Variants in ASB3 observed in about 807,000 individuals in gnomAD.
The protein encoded by ASB3 is ankyrin repeat and SOCS box containing 3.
In ASB3, 41 loss-of-function variants were observed where a neutral mutation model predicts 54.5. The observed-to-expected ratio is 0.75, with a 90% confidence interval of 0.59 to 0.98. The LOEUF is 0.98. Ranked by LOEUF, ASB3 falls within the 50% of genes least tolerant of loss-of-function variation. ASB3 has a pLI of 0.00. For missense variants in ASB3, 733 were observed against 620.0 expected, an observed-to-expected ratio of 1.18 and a Z score of -1.94; for synonymous variants, 266 against 221.2, an observed-to-expected ratio of 1.20 and a Z score of -1.80.
At chr2:53,752,390 T>TG (rs1437976462) in intron 2 of ASB3, among the ~76,000 whole-genome samples, 1 of 152,144 alleles carries the variant, frequency 6.6e-6, no homozygotes, top group Non-Finnish European at 1.5e-5. Context: ...AAGGGGGTCC[T>TG]GCCAACAGGT....
chr2:53,710,507 T>C (rs931986623), intron 7 of ASB3, among the ~76,000 whole-genome samples: 1 of 152,164 alleles, frequency 6.6e-6, no homozygotes, highest in Non-Finnish European at 1.5e-5. Context: ...CTTTTTCCCA[T>C]GAGATTTAGT....
At chr2:53,785,374 G>A (rs373210373) in intron 1 of ASB3, among the ~76,000 whole-genome samples, 5 of 151,402 alleles carry the variant, frequency 3.3e-5, no homozygotes, top group African/African-American at 7.3e-5. Context: ...TTTTTATTCC[G>A]TCAAATACAT....
intron 3 of ASB3, among the ~76,000 whole-genome samples, chr2:53,747,326 G>C (rs541921263): frequency 6.6e-6 from 1 of 152,070 alleles, no homozygotes; most frequent in Non-Finnish European, 1.5e-5. Flanking sequence ...CAGGCAGATC[G>C]CCTGAGGTCA....
intron 5 of ASB3, among the ~76,000 whole-genome samples, chr2:53,724,981 A>G (rs7595713): frequency 0.088 from 13,432 of 152,238 alleles, 646 homozygotes; most frequent in East Asian, 0.18. Flanking sequence ...ATGCACTTGC[A>G]TGTTCATCAC....
intron 2 of ASB3, among the ~76,000 whole-genome samples, chr2:53,753,334 CAAAT>C (rs781058401): frequency 6.7e-4 from 102 of 152,114 alleles, no homozygotes; most frequent in Non-Finnish European, 1.3e-3. Flanking sequence ...TAAGAACAAA[CAAAT>C]AAATAAACAG....
At chr2:53,764,323 G>C (rs904847172) in intron 2 of ASB3, among the ~76,000 whole-genome samples, 1 of 152,034 alleles carries the variant, frequency 6.6e-6, no homozygotes, top group Non-Finnish European at 1.5e-5. Context: ...TAGAAGCTTG[G>C]TATGAGAGGA....
At position 53,670,318 on chromosome 2, in the gene ASB3, T is replaced by A. The variant is rs1013718295; in HGVS notation, c.*185A>T. ...TTTTTTTTTTTTTTTTTTTTTTTTT[T>A]ACTGGGAAGGCTAGTTGTAAACATA... On this transcript the variant is annotated 3_prime_UTR_variant, in exon 10 of 10. Coordinates refer to ENST00000263634, the MANE Select transcript of ASB3 (RefSeq NM_016115.5). 3 of 273,194 alleles carry A rather than the reference T, an allele frequency of 1.1e-5. No homozygotes were observed. Among genetic ancestry groups the A allele is most frequent in the South Asian group, 1.2e-4 (1 of 8,260 alleles). The allele number at this position is 273,194 out of a possible 1,614,324, so 16.9% of individuals were successfully genotyped here.
intron 9 of ASB3, among the ~76,000 whole-genome samples, chr2:53,682,688 G>C (rs981031293): frequency 8.5e-5 from 13 of 152,116 alleles, no homozygotes; most frequent in African/African-American, 3.1e-4. Context: ...TATTGGCCAG[G>C]CTGGTCTCGA....
intron 7 of ASB3, among the ~76,000 whole-genome samples, chr2:53,700,887 T>G (rs1018066040): frequency 3.3e-5 from 5 of 152,248 alleles, no homozygotes; most frequent in Admixed American, 2.0e-4. Flanking sequence ...ATAAACAACG[T>G]GATCAATCCT....
intron 1 of ASB3, chr2:53,774,056 A>G (rs750138216): frequency 6.9e-5 from 92 of 1,338,438 alleles, no homozygotes; most frequent in Non-Finnish European, 8.7e-5. Flanking sequence ...AAAAGAATAT[A>G]TGAGATACTC....
At chr2:53,689,847 T>C (rs1014503770) in intron 9 of ASB3, among the ~76,000 whole-genome samples, 2 of 152,224 alleles carry the variant, frequency 1.3e-5, no homozygotes, top group African/African-American at 4.8e-5. Flanking sequence ...CTTAAACATA[T>C]GTTCTCAATC....
chr2:53,689,975 A>G (rs1362907476), intron 9 of ASB3, among the ~76,000 whole-genome samples: 6 of 152,204 alleles, frequency 3.9e-5, no homozygotes, highest in Non-Finnish European at 7.4e-5. Flanking sequence ...TCTCATGCCT[A>G]TAATACCAGC....
At chr2:53,681,628 A>G (rs958585067) in intron 9 of ASB3, among the ~76,000 whole-genome samples, 26 of 151,978 alleles carry the variant, frequency 1.7e-4, no homozygotes, top group African/African-American at 5.1e-4. Context: ...CCTTTCCCCA[A>G]TGTATGTTCT....
chr2:53,733,544 C>T (rs769465079), intron 3 of ASB3, among the ~76,000 whole-genome samples: 1 of 151,948 alleles, frequency 6.6e-6, no homozygotes, highest in Non-Finnish European at 1.5e-5. Context: ...TGGGTTCAAG[C>T]GGTTCTCCTG....
intron 6 of ASB3, 97 bp downstream of exon 6, chr2:53,716,469 C>G: frequency 6.9e-7 from 1 of 1,450,454 alleles, no homozygotes; most frequent in South Asian, 1.4e-5. Flanking sequence ...AAGAGAATAT[C>G]AAAGACTTTG....
At chr2:53,763,059 A>G (rs1185433865) in intron 2 of ASB3, among the ~76,000 whole-genome samples, 1 of 152,214 alleles carries the variant, frequency 6.6e-6, no homozygotes, top group Non-Finnish European at 1.5e-5. Context: ...TATTAATATT[A>G]GATAAACCTC....
Position 53,681,598 on chromosome 2 carries a change from C to T in ASB3, c.1370-10908G>A, listed in dbSNP as rs191679174. ...ATATGGATATCCAGTTTTCCCAGCA[C>T]CATTTAATAAAGAGACTGTCCTTTC... On this transcript the variant is annotated intron_variant, in intron 9 of 9. Coordinates refer to ENST00000263634, the MANE Select transcript of ASB3 (RefSeq NM_016115.5). Among the ~76,000 whole-genome samples, 39 of 152,240 alleles carry T rather than the reference C, an allele frequency of 2.6e-4. 1 individual carries two copies. In the South Asian group the frequency reaches 2.9e-3, roughly 11 times the overall value.
intron 1 of ASB3, chr2:53,774,598 A>G: frequency 8.8e-7 from 1 of 1,132,308 alleles, no homozygotes; most frequent in Non-Finnish European, 1.2e-6. Context: ...TAAAGATCTT[A>G]TTTTTAATGT....
chr2:53,670,768 C>A, intron 9 of ASB3, 78 bp from the exon 10 acceptor site: 1 of 1,443,174 alleles, frequency 6.9e-7, no homozygotes, highest in South Asian at 1.4e-5. Context: ...ATTTTTTTTT[C>A]CCCCAACTCT....
Sources: allele counts gnomAD v4.1 joint callset (sites outside exome capture counted in the v4.1 genomes callset), GRCh38; gene constraint gnomAD v4.1.1; transcripts MANE v1.5; gene names NCBI Gene and HGNC (gene_info 2026-07-23, HGNC 2026-07-21).